Variants in RSF1 observed in about 807,000 individuals in gnomAD.
The protein encoded by RSF1 is HBV pX-associated protein 8.
In RSF1, 13 loss-of-function variants were observed where a neutral mutation model predicts 145.2. The ratio of observed to expected loss-of-function variants is 0.09; its 90% CI spans 0.06 to 0.14. RSF1 has a LOEUF of 0.14. RSF1 is among the 10% of genes least tolerant of loss of function. The pLI is 1.00. For missense variants in RSF1, 1,517 were observed against 1,718.2 expected (o/e 0.88, Z 2.07); for synonymous variants, 577 against 592.6 (o/e 0.97, Z 0.38).
chr11:77,694,617 A>T (rs1305755868), intron 7 of RSF1, among the ~76,000 whole-genome samples: 1 of 152,206 alleles, frequency 6.6e-6, no homozygotes, highest in Admixed American at 6.5e-5. Context: ...CCTTCACCCA[A>T]TTTTTAACAC....
At chr11:77,861,206 G>A in the RSF1 span, among the ~76,000 whole-genome samples, 1 of 151,984 alleles carries the variant, frequency 6.6e-6, no homozygotes, top group Non-Finnish European at 1.5e-5. Flanking sequence ...ATGTTCAGGT[G>A]TATAATGGCC....
At chr11:77,722,114 A>C (rs1002302199) in intron 5 of RSF1, among the ~76,000 whole-genome samples, 1 of 152,210 alleles carries the variant, frequency 6.6e-6, no homozygotes, top group Admixed American at 6.5e-5. Context: ...CAGGAGTTCC[A>C]GATTGCAGCA....
In RSF1 at chr11:77,764,708, A is replaced by T. The variant is rs763507964; in HGVS notation, c.188-19T>A. On this transcript the variant is annotated intron_variant, in intron 1 of 15. Transcript: ENST00000308488. ...TTTGGTACTTAAAAGAAAGAAAAAA[A>T]ATATCATTAGCCAACAAAATAAAAC... The T allele has an allele frequency of 4.5e-5, 62 of 1,387,846 alleles. No individual in the cohort carries two copies. The East Asian group carries it at 1.3e-3, about 30-fold the overall frequency. 86.0% of individuals were successfully genotyped at this position (1,387,846 alleles called of 1,614,324 possible).
intron 11 of RSF1, among the ~76,000 whole-genome samples, chr11:77,683,429 C>T (rs552402530): frequency 2.7e-5 from 4 of 150,592 alleles, no homozygotes; most frequent in African/African-American, 7.3e-5. Flanking sequence ...CTAGGCCGGG[C>T]GCGGTGGCTC....
intron 3 of RSF1, among the ~76,000 whole-genome samples, chr11:77,744,311 G>A (rs1033695336): frequency 3.3e-5 from 5 of 151,968 alleles, no homozygotes; most frequent in African/African-American, 1.2e-4. Flanking sequence ...TTACAGGCGT[G>A]AGCCACCCCG....
At chr11:77,832,589 G>A in the RSF1 span, among the ~76,000 whole-genome samples, 1 of 151,808 alleles carries the variant, frequency 6.6e-6, no homozygotes, top group African/African-American at 2.4e-5. Flanking sequence ...GCCTCCCAAA[G>A]TACTGGGATT....
intron 1 of RSF1, among the ~76,000 whole-genome samples, chr11:77,786,579 A>C (rs1473298043): frequency 1.3e-5 from 2 of 152,152 alleles, no homozygotes; most frequent in Non-Finnish European, 2.9e-5. Flanking sequence ...CACAAGGTTT[A>C]GAGAAGGGGT....
the RSF1 span, among the ~76,000 whole-genome samples, chr11:77,852,916 A>C: frequency 6.6e-6 from 1 of 152,134 alleles, no homozygotes. Flanking sequence ...TTGTGAATGT[A>C]ATATTGTTTA....
the RSF1 span, among the ~76,000 whole-genome samples, chr11:77,871,582 A>G: frequency 1.3e-5 from 2 of 152,226 alleles, no homozygotes; most frequent in Admixed American, 6.5e-5. Flanking sequence ...TACATACATG[A>G]GTCAATTTCA....
At chr11:77,865,792 T>G in the RSF1 span, among the ~76,000 whole-genome samples, 2 of 152,208 alleles carry the variant, frequency 1.3e-5, no homozygotes, top group East Asian at 1.9e-4. Flanking sequence ...TAATTCCACT[T>G]GTATGAAATG....
upstream of RSF1, among the ~76,000 whole-genome samples, chr11:77,821,868 A>G (rs528932397): frequency 6.6e-6 from 1 of 152,284 alleles, no homozygotes; most frequent in South Asian, 2.1e-4. Context: ...CCTGAGTCCT[A>G]GCGGGGCTAC....
intron 1 of RSF1, among the ~76,000 whole-genome samples, chr11:77,771,980 A>G (rs915692556): frequency 2.6e-5 from 4 of 152,172 alleles, no homozygotes; most frequent in African/African-American, 9.7e-5. Context: ...TTTTCTAAGA[A>G]GCACCTTTGC....
At chr11:77,758,697 G>T (rs1948140579) in intron 2 of RSF1, among the ~76,000 whole-genome samples, 1 of 152,194 alleles carries the variant, frequency 6.6e-6, no homozygotes, top group Admixed American at 6.5e-5. Flanking sequence ...GACAAATGAT[G>T]ATGAACTTCT....
chr11:77,677,920 A>T (rs1001548741), intron 12 of RSF1, among the ~76,000 whole-genome samples, 166 bp downstream of exon 12: 14 of 152,230 alleles, frequency 9.2e-5, no homozygotes, highest in Admixed American at 7.9e-4. Context: ...CTATACACTG[A>T]CATTGTATCC....
chr11:77,813,748 C>G (rs561890909), intron 1 of RSF1: 6 of 310,542 alleles, frequency 1.9e-5, no homozygotes, highest in Admixed American at 3.8e-5. Flanking sequence ...GAGCAGGAGC[C>G]TGCGGATCAC....
At chr11:77,834,992 TAAC>T in the RSF1 span, among the ~76,000 whole-genome samples, 1 of 152,264 alleles carries the variant, frequency 6.6e-6, no homozygotes, top group African/African-American at 2.4e-5. Flanking sequence ...ATAAAAAAAG[TAAC>T]AACAAAAATC....
chr11:77,698,372 T>C (rs139935340), intron 7 of RSF1, 115 bp downstream of exon 7: 3 of 842,430 alleles, frequency 3.6e-6, no homozygotes, highest in Non-Finnish European at 5.9e-6. Flanking sequence ...CTCTGTAGCA[T>C]ACAAGTTATC....
intron 1 of RSF1, among the ~76,000 whole-genome samples, chr11:77,790,387 C>A (rs1407885637): frequency 2.6e-5 from 4 of 152,044 alleles, no homozygotes; most frequent in African/African-American, 4.8e-5. Flanking sequence ...CCCACAGGGT[C>A]CCTCCCACAA....
rs73493813 is a variant in RSF1 at position 77,759,728 on chromosome 11, G to C, written c.279+4870C>G. Among the ~76,000 whole-genome samples the C allele has an allele frequency of 1.2e-3, 189 of 152,068 alleles. 1 individual carries two copies. Among genetic ancestry groups the C allele is most frequent in the African/African-American group, 4.0e-3 (167 of 41,490 alleles). The stretch of plus-strand genomic sequence containing the variant: ...TCCTTTGCAATATATAAAGCATTAA[G>C]CATTCATGCTCTATCAGACAAGCCT... On this transcript the variant is annotated intron_variant, in intron 2 of 15. Transcript: ENST00000308488.
Sources: gnomAD v4.1 joint callset for allele counts (sites outside exome capture counted in the v4.1 genomes callset) on GRCh38, gnomAD v4.1.1 for gene constraint, MANE v1.5 for transcripts, NCBI Gene and HGNC (gene_info 2026-07-23, HGNC 2026-07-21) for gene names.